Variants in DSCAM observed in about 807,000 individuals in gnomAD.
DSCAM encodes the protein DS cell adhesion molecule, also known as cell adhesion molecule DSCAM.
In DSCAM, 47 loss-of-function variants were observed where a neutral mutation model predicts 217.7. The observed-to-expected ratio is 0.22, with a 90% confidence interval of 0.17 to 0.28. The LOEUF is 0.28. Ranked by LOEUF, DSCAM falls within the 10% of genes least tolerant of loss-of-function variation. The pLI is 1.00. For missense variants in DSCAM, 2,080 were observed against 2,618.3 expected (o/e 0.79, Z 4.49); for synonymous variants, 1,056 against 1,015.3 (o/e 1.04, Z -0.76).
At chr21:40,486,876 G>C (rs1272937275) in intron 3 of DSCAM, among the ~76,000 whole-genome samples, 1 of 152,008 alleles carries the variant, frequency 6.6e-6, no homozygotes, top group African/African-American at 2.4e-5. Flanking sequence ...CCTCACCCTG[G>C]CCTCCGCTGA....
intron 3 of DSCAM, among the ~76,000 whole-genome samples, chr21:40,493,512 C>A (rs1319722755): frequency 6.6e-6 from 1 of 152,034 alleles, no homozygotes; most frequent in Non-Finnish European, 1.5e-5. Context: ...ATAATATTAG[C>A]TACAACAATT....
chr21:40,456,690 T>C (rs2075766707), intron 3 of DSCAM, among the ~76,000 whole-genome samples: 1 of 103,344 alleles, frequency 9.7e-6, no homozygotes, highest in South Asian at 2.6e-4. Context: ...GAATACACAA[T>C]ACAAAAATTA....
chr21:40,746,432 A>C (rs2146551938), intron 1 of DSCAM, among the ~76,000 whole-genome samples: 1 of 151,840 alleles, frequency 6.6e-6, no homozygotes, highest in South Asian at 2.1e-4. Flanking sequence ...CTTTAGGTCA[A>C]GAATGGTAAA....
At chr21:40,163,405 G>C (rs1568975935) in intron 16 of DSCAM, among the ~76,000 whole-genome samples, 1 of 152,036 alleles carries the variant, frequency 6.6e-6, no homozygotes. Context: ...AAATCCTTTT[G>C]TTTCTCCAAG....
chr21:40,317,972 A>G (rs533312334), intron 8 of DSCAM, among the ~76,000 whole-genome samples: 98 of 152,238 alleles, frequency 6.4e-4, no homozygotes, highest in African/African-American at 2.3e-3. Flanking sequence ...ATGATTTCCA[A>G]TTTCATCCAT....
chr21:40,118,405 G>A (rs1169526661), intron 20 of DSCAM, among the ~76,000 whole-genome samples: 1 of 152,158 alleles, frequency 6.6e-6, no homozygotes, highest in Admixed American at 6.5e-5. Flanking sequence ...GGCCAACATG[G>A]TGAAAACCCC....
intron 10 of DSCAM, among the ~76,000 whole-genome samples, chr21:40,289,039 A>G (rs1188422418): frequency 6.6e-6 from 1 of 152,212 alleles, no homozygotes; most frequent in African/African-American, 2.4e-5. Flanking sequence ...TTTGTATATA[A>G]ACAATAGAAT....
At chr21:40,035,912 A>T (rs140030748) in intron 32 of DSCAM, among the ~76,000 whole-genome samples, 23,687 of 144,512 alleles carry the variant, frequency 0.16, 2,421 homozygotes, top group Middle Eastern at 0.22. Context: ...CTCCTGAATG[A>T]CTACTGGGTA....
At chr21:40,763,838 A>G (rs956589044) in intron 1 of DSCAM, among the ~76,000 whole-genome samples, 4 of 152,244 alleles carry the variant, frequency 2.6e-5, no homozygotes, top group African/African-American at 9.6e-5. Context: ...AGAACAAGCA[A>G]TGGGGAAAGG....
chr21:40,441,251 CTTG>C (rs1398065915), intron 3 of DSCAM, among the ~76,000 whole-genome samples: 5 of 152,260 alleles, frequency 3.3e-5, no homozygotes, highest in East Asian at 1.9e-4. Context: ...AAGACAGAGC[CTTG>C]TTGTTTATTT....
intron 4 of DSCAM, among the ~76,000 whole-genome samples, chr21:40,365,951 T>A (rs1194019783): frequency 2.0e-5 from 3 of 152,168 alleles, no homozygotes; most frequent in South Asian, 4.1e-4. Context: ...ACTTTTTTTT[T>A]AAAGAAAAAA....
At chr21:40,152,331 T>G (rs1403431940) in intron 16 of DSCAM, among the ~76,000 whole-genome samples, 1 of 152,242 alleles carries the variant, frequency 6.6e-6, no homozygotes, top group Non-Finnish European at 1.5e-5. Flanking sequence ...TTGAACGCAG[T>G]GCAAATCTAA....
chr21:40,258,220 C>T (rs1471898378), intron 11 of DSCAM, among the ~76,000 whole-genome samples: 1 of 152,146 alleles, frequency 6.6e-6, no homozygotes, highest in Non-Finnish European at 1.5e-5. Flanking sequence ...AAACTTCTTC[C>T]TGGAGATCTT....
At chr21:40,620,327 A>C (rs1156319305) in intron 3 of DSCAM, among the ~76,000 whole-genome samples, 1 of 147,844 alleles carries the variant, frequency 6.8e-6, no homozygotes, top group Non-Finnish European at 1.5e-5. Flanking sequence ...AGAGAGAGAA[A>C]AAAGAAAAAG....
At chr21:40,416,952 T>C (rs1323513754) in intron 3 of DSCAM, among the ~76,000 whole-genome samples, 1 of 152,174 alleles carries the variant, frequency 6.6e-6, no homozygotes, top group Non-Finnish European at 1.5e-5. Context: ...CTAGCTATCA[T>C]TACAGGTGAA....
At chr21:40,406,909 G>A (rs994533521) in intron 3 of DSCAM, among the ~76,000 whole-genome samples, 22 of 152,054 alleles carry the variant, frequency 1.4e-4, no homozygotes, top group Admixed American at 1.4e-3. Context: ...GTGAGCCACC[G>A]CACCCAGCCT....
intron 1 of DSCAM, among the ~76,000 whole-genome samples, chr21:40,807,099 A>T (rs78192123): frequency 0.098 from 12,966 of 131,678 alleles, 624 homozygotes; most frequent in East Asian, 0.11. Flanking sequence ...CCCAGAACTT[A>T]AAGTATAATG....
intron 9 of DSCAM, among the ~76,000 whole-genome samples, chr21:40,303,416 G>A (rs146011811): frequency 6.2e-4 from 94 of 152,138 alleles, no homozygotes; most frequent in African/African-American, 2.1e-3. Context: ...TCAAGTCTCT[G>A]CTCAAAGATC....
rs571857752 is a variant in DSCAM, at chr21:40,170,858, G to A, written c.2948-3570C>T. 2.0e-5 allele frequency among the ~76,000 whole-genome samples: 3 copies of A among 152,290 alleles called. No homozygotes were observed. The South Asian group carries it at 6.2e-4, about 32-fold the overall frequency. On this transcript the variant is annotated intron_variant, in intron 15 of 32. Transcript: ENST00000400454. Reference sequence around the variant, plus strand: ...AATGTCAGGAGCACTGTCTCATCCTGAATCCTCTGGGCTCCCTGGGGCATG... The same window carrying A: ...AATGTCAGGAGCACTGTCTCATCCTAAATCCTCTGGGCTCCCTGGGGCATG...
Sources: gnomAD v4.1 joint callset for allele counts (sites outside exome capture counted in the v4.1 genomes callset) on GRCh38, gnomAD v4.1.1 for gene constraint, MANE v1.5 for transcripts, NCBI Gene and HGNC (gene_info 2026-07-23, HGNC 2026-07-21) for gene names.